The following PHLPP1 variants were observed in gnomAD, a reference collection of about 807,000 sequenced individuals.
PHLPP1 encodes the protein PH domain leucine-rich repeat-containing protein phosphatase 1.
Under a neutral mutation model 117.2 loss-of-function variants are expected in PHLPP1, and 42 were observed. That is an observed-to-expected ratio of 0.36 (90% CI 0.28 to 0.46). The LOEUF (loss-of-function observed/expected upper bound fraction) is 0.46, where lower values mean the gene tolerates loss of function less well. PHLPP1 is among the 20% of genes least tolerant of loss of function. The pLI is 1.00. For missense variants in PHLPP1, 2,084 were observed against 2,241.9 expected (o/e 0.93, Z 1.42); for synonymous variants, 1,042 against 970.7 (o/e 1.07, Z -1.37).
intron 8 of PHLPP1, 102 bp from the exon 9 acceptor site, chr18:62,914,811 G>T: frequency 1.3e-6 from 1 of 752,532 alleles, no homozygotes; most frequent in Non-Finnish European, 2.2e-6. Flanking sequence ...TTGGTACTTT[G>T]GTATTTTATT....
At chr18:62,893,377 C>T (rs187405102) in intron 4 of PHLPP1, among the ~76,000 whole-genome samples, 1 of 152,236 alleles carries the variant, frequency 6.6e-6, no homozygotes, top group East Asian at 1.9e-4. Context: ...GGCCTAACGG[C>T]CCTAATATAA....
intron 3 of PHLPP1, among the ~76,000 whole-genome samples, chr18:62,842,375 T>G (rs552190129): frequency 6.6e-6 from 1 of 151,990 alleles, no homozygotes; most frequent in South Asian, 2.1e-4. Context: ...AGACTTTTTT[T>G]TTTTTTGAGA....
chr18:62,728,874 G>T (rs1001657086), intron 1 of PHLPP1, among the ~76,000 whole-genome samples: 1 of 152,058 alleles, frequency 6.6e-6, no homozygotes, highest in African/African-American at 2.4e-5. Flanking sequence ...CTCTGCCAGT[G>T]GTGCCTTGAG....
At chr18:62,876,356 AC>A (rs1195247052) in intron 4 of PHLPP1, among the ~76,000 whole-genome samples, 1 of 152,028 alleles carries the variant, frequency 6.6e-6, no homozygotes. Flanking sequence ...AGCGACTCCT[AC>A]CCCACCCTTC....
At chr18:62,783,237 T>C (rs568696090) in intron 1 of PHLPP1, among the ~76,000 whole-genome samples, 145 of 148,904 alleles carry the variant, frequency 9.7e-4, no homozygotes, top group African/African-American at 2.8e-3. Context: ...TTCTTTTTTT[T>C]TTTTTTTTGA....
chr18:62,773,318 G>A (rs1433493746), intron 1 of PHLPP1, among the ~76,000 whole-genome samples: 1 of 152,174 alleles, frequency 6.6e-6, no homozygotes, highest in African/African-American at 2.4e-5. Context: ...ATAGGTAGAA[G>A]GTGGAACGTT....
intron 1 of PHLPP1, among the ~76,000 whole-genome samples, chr18:62,747,964 T>A (rs780021399): frequency 3.9e-5 from 6 of 152,230 alleles, no homozygotes; most frequent in Non-Finnish European, 8.8e-5. Flanking sequence ...TTCTTTGGTA[T>A]TGGTTGAGAT....
intron 2 of PHLPP1, among the ~76,000 whole-genome samples, chr18:62,833,568 A>AT (rs1213502483): frequency 1.3e-5 from 2 of 151,696 alleles, no homozygotes; most frequent in Non-Finnish European, 2.9e-5. Flanking sequence ...TATATTCCTC[A>AT]TTTTTTCCTT....
At chr18:62,760,422 C>T (rs186933087) in intron 1 of PHLPP1, among the ~76,000 whole-genome samples, 3 of 152,210 alleles carry the variant, frequency 2.0e-5, no homozygotes, top group East Asian at 1.9e-4. Flanking sequence ...TTGTGATATT[C>T]GATTAGGTTT....
intron 1 of PHLPP1, among the ~76,000 whole-genome samples, chr18:62,823,743 G>A (rs940798447): frequency 2.6e-5 from 4 of 151,942 alleles, no homozygotes; most frequent in African/African-American, 7.3e-5. Flanking sequence ...GAAGATATGC[G>A]GATCACAAAC....
chr18:62,842,479 A>G (rs568296095), intron 3 of PHLPP1, among the ~76,000 whole-genome samples: 2 of 152,060 alleles, frequency 1.3e-5, no homozygotes, highest in South Asian at 4.2e-4. Context: ...TTCCCACCTC[A>G]GCCTCCTGAG....
chr18:62,916,143 T>G (rs1909269194), intron 9 of PHLPP1, among the ~76,000 whole-genome samples: 1 of 152,078 alleles, frequency 6.6e-6, no homozygotes, highest in Non-Finnish European at 1.5e-5. Flanking sequence ...TCCAGTATGG[T>G]AGCCCCCAGC....
chr18:62,857,335 T>TG (rs1915526162), intron 3 of PHLPP1, among the ~76,000 whole-genome samples: 1 of 151,200 alleles, frequency 6.6e-6, no homozygotes. Context: ...TGCATTTGTA[T>TG]CAAGTCAGAT....
chr18:62,950,661 A>G (rs484571), intron 12 of PHLPP1, among the ~76,000 whole-genome samples: 1 of 151,980 alleles, frequency 6.6e-6, no homozygotes, highest in Admixed American at 6.6e-5. Flanking sequence ...CGTAGTTGAC[A>G]TAATAGACGT....
At chr18:62,892,430 TG>T (rs1376706730) in intron 4 of PHLPP1, among the ~76,000 whole-genome samples, 3 of 152,084 alleles carry the variant, frequency 2.0e-5, no homozygotes, top group Non-Finnish European at 4.4e-5. Context: ...TTTTAATATC[TG>T]GCTGGATTCT....
chr18:62,791,123 T>A (rs1913444132), intron 1 of PHLPP1, among the ~76,000 whole-genome samples: 2 of 152,154 alleles, frequency 1.3e-5, no homozygotes, highest in African/African-American at 4.8e-5. Flanking sequence ...ACAGGCATGC[T>A]TTCATTATTG....
intron 2 of PHLPP1, among the ~76,000 whole-genome samples, chr18:62,837,458 GTC>G (rs1914937139): frequency 1.3e-5 from 2 of 152,148 alleles, no homozygotes; most frequent in African/African-American, 4.8e-5. Flanking sequence ...ATTTATAAGT[GTC>G]TCTGCTCTCT....
chr18:62,928,587 T>A (rs975950928), intron 10 of PHLPP1, among the ~76,000 whole-genome samples: 12 of 152,198 alleles, frequency 7.9e-5, no homozygotes, highest in Non-Finnish European at 1.6e-4. Flanking sequence ...GCAAGTACTT[T>A]GGAAAACAGA....
chr18:62,726,108 A>T (rs1911061492), intron 1 of PHLPP1, among the ~76,000 whole-genome samples: 1 of 151,756 alleles, frequency 6.6e-6, no homozygotes, highest in Non-Finnish European at 1.5e-5. Context: ...ATATATATGT[A>T]TGTGTATATA....
Sources: allele counts gnomAD v4.1 joint callset (sites outside exome capture counted in the v4.1 genomes callset), GRCh38; gene constraint gnomAD v4.1.1; transcripts MANE v1.5; gene names NCBI Gene and HGNC (gene_info 2026-07-23, HGNC 2026-07-21).